The following ITGA11 variants were observed in gnomAD, a reference collection of about 807,000 sequenced individuals.
ITGA11 encodes the protein integrin alpha-11.
Under a neutral mutation model 141.9 loss-of-function variants are expected in ITGA11, and 97 were observed. The ratio of observed to expected loss-of-function variants is 0.68; its 90% CI spans 0.58 to 0.81. The LOEUF is 0.81. Ranked by LOEUF, ITGA11 falls within the 30% of genes least tolerant of loss-of-function variation. ITGA11 has a pLI of 0.00. For synonymous variants in ITGA11, 658 were observed against 624.6 expected (o/e 1.05, Z -0.80); for missense variants, 1,387 against 1,559.2 (o/e 0.89, Z 1.86).
rs931274316 is a variant in ITGA11, at chr15:68,308,173, C to T, written c.3175-477G>A. ...TTATGGAAAAATTATGCATGGATTC[C>T]AAAACTTTTTTTGCCCCAAAATAAA... On this transcript the variant is annotated intron_variant, in intron 26 of 29. Coordinates refer to ENST00000315757, the MANE Select transcript of ITGA11 (RefSeq NM_001004439.2). This position sits in a 1 kb window ranked among gnomAD's most constrained non-coding sequence, Gnocchi z 5.2. 9.2e-5 allele frequency among the ~76,000 whole-genome samples: 14 copies of T among 151,926 alleles called. No homozygotes were observed. In the East Asian group the frequency reaches 1.2e-3, roughly 13 times the overall value.
In ITGA11 at chr15:68,296,604, C is replaced by T. The variant is rs1028790580; in HGVS notation, c.*6455G>A. On this transcript the variant is annotated 3_prime_UTR_variant, in exon 30 of 30. Coordinates refer to ENST00000315757, the MANE Select transcript of ITGA11 (RefSeq NM_001004439.2). ...TATATTTATTGACTATTGGTGTTTG[C>T]TTTGGGGTTGTGTGTGTTTTTTTTC... 1 of 150,414 alleles carries T rather than the reference C, an allele frequency of 6.6e-6. No individual in the cohort carries two copies. The highest frequency in any genetic ancestry group is 2.5e-5 in the African/African-American group (1 of 39,848). 9.3% of individuals were successfully genotyped at this position (150,414 alleles called of 1,614,324 possible).
chr15:68,359,553 TGAG>T (rs1175838170), intron 5 of ITGA11, among the ~76,000 whole-genome samples: 1 of 151,970 alleles, frequency 6.6e-6, no homozygotes, highest in Non-Finnish European at 1.5e-5. Flanking sequence ...GGCTGAAGCA[TGAG>T]AATTGCTTGA....
chr15:68,402,919 A>G lies in ITGA11; in HGVS notation c.163T>C (p.Trp55Arg). 6.2e-7 allele frequency: 1 copy of G among 1,610,190 alleles called. No individual in the cohort carries two copies. The highest frequency in any genetic ancestry group is 8.5e-7 in the Non-Finnish European group (1 of 1,177,058). Residue 55 changes from tryptophan (W) to arginine (R), a missense_variant and splice_region_variant, in exon 2 of 30, where the codon TGG (tryptophan) becomes CGG (arginine). Trp to Arg is a moderately radical substitution (Grantham distance 101). Transcript: ENST00000315757. ...GTGTGGGCGGCCGCTCTCACTCACCACTTATTGCCACTGATGTCGTGCTGC... is the reference window on the plus strand; with the variant it reads ...GTGTGGGCGGCCGCTCTCACTCACCGCTTATTGCCACTGATGTCGTGCTGC... ...VQQHDISGNK[W>R]LVVGAPLETN...
rs1894058469 is a variant in ITGA11, at chr15:68,328,568, C to A, written c.1902-306G>T. On this transcript the variant is annotated intron_variant, in intron 15 of 29. Coordinates refer to ENST00000315757, the MANE Select transcript of ITGA11 (RefSeq NM_001004439.2). The surrounding 1 kb of genome is among the most constrained non-coding windows in gnomAD (Gnocchi z 4.8). ...TGACTTCCCTTTGCTCCCTCATCAT[C>A]TTTTATAGCAGTGGTTCCCCACCCT... Among the ~76,000 whole-genome samples, 2 of 152,206 alleles carry A rather than the reference C, an allele frequency of 1.3e-5. No individual in the cohort carries two copies. Among genetic ancestry groups the A allele is most frequent in the Non-Finnish European group, 2.9e-5 (2 of 68,044 alleles).
Position 68,303,173 on chromosome 15 carries a change from G to A in ITGA11, c.3496-43C>T. 1.3e-6 allele frequency: 2 copies of A among 1,503,664 alleles called. No individual in the cohort carries two copies. Among genetic ancestry groups the A allele is most frequent in the South Asian group, 1.2e-5 (1 of 82,556 alleles). 93.1% of individuals were successfully genotyped at this position (1,503,664 alleles called of 1,614,324 possible). A position where few individuals can be genotyped will look rare whatever the true frequency, so the allele number is the denominator to read the frequency against. ...GAGACGTCTCAGAGGAGGACAGGGT[G>A]GGCAAGGCCTGCCCCAGCTTTCCCT... is the stretch of plus-strand genomic sequence containing the variant. On this transcript the variant is annotated intron_variant, in intron 29 of 29. Coordinates refer to ENST00000315757, the MANE Select transcript of ITGA11 (RefSeq NM_001004439.2). The surrounding 1 kb of genome is among the most constrained non-coding windows in gnomAD (Gnocchi z 5.3).
In ITGA11 at chr15:68,325,202, C is replaced by T. The variant is rs758259065; in HGVS notation, c.2251G>A (p.Glu751Lys). Residue 751 changes from glutamate (E) to lysine (K), a missense_variant, in exon 18 of 30, where the codon GAG becomes AAG. Glu to Lys is a moderately conservative substitution (Grantham distance 56, BLOSUM62 1). Coordinates refer to ENST00000315757, the MANE Select transcript of ITGA11 (RefSeq NM_001004439.2). This position sits in a 1 kb window ranked among gnomAD's most constrained non-coding sequence, Gnocchi z 5.5. Reference sequence around the variant, plus strand: ...TGGTCAGGGTCCTCCAGGGAATACTCGACTGAGAAGGTCACTGGCTTCACG... The same window carrying T: ...TGGTCAGGGTCCTCCAGGGAATACTTGACTGAGAAGGTCACTGGCTTCACG... The part of the protein sequence containing the change: ...DYVKPVTFSV[E>K]YSLEDPDHGP... 36 of 1,613,762 alleles carry T rather than the reference C, an allele frequency of 2.2e-5. No individual in the cohort carries two copies. The highest frequency in any genetic ancestry group is 2.8e-5 in the Non-Finnish European group (33 of 1,179,868).
chr15:68,422,758 A>G (rs1897049564), intron 1 of ITGA11, among the ~76,000 whole-genome samples: 1 of 151,850 alleles, frequency 6.6e-6, no homozygotes, highest in Non-Finnish European at 1.5e-5. Flanking sequence ...ACCCAGGTGA[A>G]CTCTCTCCCT....
At chr15:68,360,647 A>G (rs749692718) in intron 5 of ITGA11, among the ~76,000 whole-genome samples, 11 of 152,194 alleles carry the variant, frequency 7.2e-5, no homozygotes, top group Admixed American at 2.0e-4. Context: ...GGATGGTCAC[A>G]TCTAGGCCTG....
chr15:68,367,712 T>G (rs1895468637), intron 3 of ITGA11, among the ~76,000 whole-genome samples: 1 of 152,142 alleles, frequency 6.6e-6, no homozygotes, highest in African/African-American at 2.4e-5. Context: ...ACACTCTAGG[T>G]GCGCATTAAA....
In ITGA11 at chr15:68,320,239, C is replaced by T. The variant is rs536935059; in HGVS notation, c.2562G>A (p.Thr854=). ...TTGCTGACTGCGAGATATTTAGGACCGTGCTGTAGGCGTTCTCGCCCCTGT... is the reference window on the plus strand; with the variant it reads ...TTGCTGACTGCGAGATATTTAGGACTGTGCTGTAGGCGTTCTCGCCCCTGT... The part of the protein sequence containing the change: ...LENRGENAYS[T]VLNISQSANL... Residue 854 remains threonine, a synonymous_variant, in exon 20 of 30, where the codon ACG becomes ACA. Transcript: ENST00000315757. The T allele has an allele frequency of 2.0e-5, 33 of 1,614,040 alleles. No homozygotes were observed. The East Asian group carries it at 2.5e-4, about 12-fold the overall frequency.
At chr15:68,311,895 C>T (rs1893400577) in intron 24 of ITGA11, among the ~76,000 whole-genome samples, 1 of 152,186 alleles carries the variant, frequency 6.6e-6, no homozygotes, top group South Asian at 2.1e-4. Flanking sequence ...TGATTCCAAG[C>T]AGGGCTTTGG....
intron 3 of ITGA11, among the ~76,000 whole-genome samples, chr15:68,366,799 C>T (rs928641638): frequency 3.9e-5 from 6 of 152,168 alleles, no homozygotes; most frequent in Non-Finnish European, 8.8e-5. Flanking sequence ...CACATCACCT[C>T]CCCCAGCCCC....
intron 2 of ITGA11, among the ~76,000 whole-genome samples, chr15:68,396,565 G>A (rs1020956004): frequency 3.3e-5 from 5 of 151,616 alleles, no homozygotes; most frequent in African/African-American, 1.2e-4. Flanking sequence ...TTGCACTGAA[G>A]ATCTTAGCCA....
Position 68,303,817 on chromosome 15 carries a change from C to T in ITGA11, c.3450G>A (p.Leu1150=). 6.2e-7 allele frequency: 1 copy of T among 1,613,248 alleles called. No individual in the cohort carries two copies. The highest frequency in any genetic ancestry group is 8.5e-7 in the Non-Finnish European group (1 of 1,179,474). The change falls in exon 29 of 30, where the codon CTG becomes CTA. Residue 1150 remains leucine (L), a synonymous_variant. Transcript: ENST00000315757. The surrounding 1 kb of genome is among the most constrained non-coding windows in gnomAD (Gnocchi z 5.3). ...GCAGGGCCAGCAGTAGGAGGCCCCC[C>T]AGGGTGCTGCCTACAATGATCCAGA... The part of the protein sequence containing the change: ...VPIWIIVGST[L]GGLLLLALLV...
At chr15:68,369,866 A>G (rs141434014) in intron 2 of ITGA11, among the ~76,000 whole-genome samples, 1,913 of 152,330 alleles carry the variant, frequency 0.013, 32 homozygotes, top group African/African-American at 0.04. Context: ...TTCTTTGGAA[A>G]AAGTGTCTTT....
chr15:68,320,142 T>C lies in ITGA11; in HGVS notation c.2616+43A>G, dbSNP rs1567126952. The C allele has an allele frequency of 2.5e-6, 4 of 1,573,036 alleles. No homozygotes were observed. In the Middle Eastern group the frequency reaches 6.7e-4, roughly 263 times the overall value. ...AGCCCACCTGGCCTTCCTTTTCCTC[T>C]GTGCCAGGCAGAGGCAGTCTGGGCA... On this transcript the variant is annotated intron_variant, in intron 20 of 29. Transcript: ENST00000315757.
Position 68,327,404 on chromosome 15 carries a change from A to G in ITGA11, c.2069-608T>C, listed in dbSNP as rs142387130. Among the ~76,000 whole-genome samples, 830 of 152,290 alleles carry G rather than the reference A, an allele frequency of 5.5e-3. 5 individuals are homozygous for G. Among genetic ancestry groups the G allele is most frequent in the African/African-American group, 0.019 (796 of 41,552 alleles). On this transcript the variant is annotated intron_variant, in intron 16 of 29. Transcript: ENST00000315757. ...CTGGCTCTCATATCTGTCTCCTCTC[A>G]GGGACAGAAGTTGAAAGAGAGGGGC...
intron 10 of ITGA11, among the ~76,000 whole-genome samples, chr15:68,348,541 G>A (rs1286978422): frequency 6.6e-6 from 1 of 152,194 alleles, no homozygotes; most frequent in East Asian, 1.9e-4. Context: ...AATGAACTGT[G>A]GCTATTTCTC....
Position 68,332,476 on chromosome 15 carries a change from T to C in ITGA11, c.1428A>G (p.Ile476Met), listed in dbSNP as rs778054725. 6.2e-7 allele frequency: 1 copy of C among 1,612,268 alleles called. No homozygotes were observed. Among genetic ancestry groups the C allele is most frequent in the Non-Finnish European group, 8.5e-7 (1 of 1,179,322 alleles). ...TGATTTCACTCCCAAAGTAAGAGCCTATCTGCGGCACGTGATGGGAGAGAG... is the reference window on the plus strand; with the variant it reads ...TGATTTCACTCCCAAAGTAAGAGCCCATCTGCGGCACGTGATGGGAGAGAG... The part of the protein sequence containing the change: ...TIHQAMRGQQ[I>M]GSYFGSEITS... The change falls in exon 13 of 30, where the codon ATA becomes ATG. Residue 476 changes from isoleucine (I) to methionine (M), a missense_variant and splice_region_variant. Coordinates refer to ENST00000315757, the MANE Select transcript of ITGA11 (RefSeq NM_001004439.2).
Sources: gnomAD v4.1 joint callset for allele counts (sites outside exome capture counted in the v4.1 genomes callset) on GRCh38, gnomAD v4.1.1 for gene constraint, Gnocchi (gnomAD v3.1) non-coding constraint, MANE v1.5 for transcripts, NCBI Gene and HGNC (gene_info 2026-07-23, HGNC 2026-07-21) for gene names.